Variants in UNC79 observed in about 807,000 individuals in gnomAD.
UNC79 encodes protein unc-79 homolog.
UNC79 carries 37 observed loss-of-function variants against 283.1 expected under a neutral mutation model. The ratio of observed to expected loss-of-function variants is 0.13; its 90% CI spans 0.10 to 0.17. UNC79 has a LOEUF of 0.17. UNC79 is among the 10% of genes least tolerant of loss of function. UNC79 has a pLI of 1.00. For missense variants in UNC79, 2,272 were observed against 3,211.1 expected (o/e 0.71, Z 7.07); for synonymous variants, 1,107 against 1,200.2 (o/e 0.92, Z 1.61).
intron 1 of UNC79, among the ~76,000 whole-genome samples, chr14:93,355,193 C>T (rs2054060639): frequency 6.6e-6 from 1 of 152,028 alleles, no homozygotes; most frequent in Non-Finnish European, 1.5e-5. Context: ...CCATGCCCGG[C>T]TAGTTTTTTT....
chr14:93,699,740 A>G (rs956029419), intron 47 of UNC79, among the ~76,000 whole-genome samples: 1 of 152,122 alleles, frequency 6.6e-6, no homozygotes, highest in Admixed American at 6.5e-5. Context: ...TACATTTTCT[A>G]TATATTTTAT....
At chr14:93,648,703 T>C (rs2069904949) in intron 35 of UNC79, among the ~76,000 whole-genome samples, 1 of 152,096 alleles carries the variant, frequency 6.6e-6, no homozygotes, top group African/African-American at 2.4e-5. Flanking sequence ...AGGGCTTCCC[T>C]TAAGAAGTGA....
At chr14:93,365,352 T>C (rs569502383) in intron 1 of UNC79, among the ~76,000 whole-genome samples, 2 of 130,456 alleles carry the variant, frequency 1.5e-5, no homozygotes, top group East Asian at 2.3e-4. Context: ...GCCACTGCAC[T>C]CCAGCCTGGG....
chr14:93,443,519 G>A (rs1052392707), intron 1 of UNC79, among the ~76,000 whole-genome samples: 1 of 151,510 alleles, frequency 6.6e-6, no homozygotes. Flanking sequence ...CGCCTCTTAG[G>A]TTCAAGCGAT....
intron 1 of UNC79, among the ~76,000 whole-genome samples, chr14:93,342,316 A>G (rs2053731097): frequency 6.6e-6 from 1 of 152,202 alleles, no homozygotes; most frequent in Non-Finnish European, 1.5e-5. Flanking sequence ...GTTCCCTCTG[A>G]AGCAATGACT....
chr14:93,454,372 G>A (rs984532604), intron 1 of UNC79, among the ~76,000 whole-genome samples: 10 of 152,052 alleles, frequency 6.6e-5, no homozygotes, highest in African/African-American at 2.4e-4. Context: ...ACAGGTGTTA[G>A]GTCTTACTAA....
At chr14:93,416,373 G>A (rs1469833404) in intron 1 of UNC79, among the ~76,000 whole-genome samples, 5 of 150,706 alleles carry the variant, frequency 3.3e-5, no homozygotes, top group South Asian at 4.2e-4. Context: ...TGATTGCACT[G>A]TGGTCTGAGA....
chr14:93,350,225 A>T (rs572073673), intron 1 of UNC79, among the ~76,000 whole-genome samples: 6 of 152,158 alleles, frequency 3.9e-5, no homozygotes, highest in Admixed American at 3.9e-4. Context: ...TAATTCTAAA[A>T]GTTGTGTTCT....
At chr14:93,607,319 G>A (rs575421657) in intron 26 of UNC79, among the ~76,000 whole-genome samples, 1 of 152,122 alleles carries the variant, frequency 6.6e-6, no homozygotes, top group South Asian at 2.1e-4. Context: ...ACAATAATAG[G>A]TATGTAATAA....
intron 22 of UNC79, among the ~76,000 whole-genome samples, chr14:93,590,059 T>TA (rs1328761306): frequency 1.3e-5 from 2 of 152,182 alleles, no homozygotes; most frequent in Non-Finnish European, 1.5e-5. Flanking sequence ...TATAGCTGCC[T>TA]CACTCCAATC....
intron 14 of UNC79, among the ~76,000 whole-genome samples, chr14:93,567,007 T>TA (rs1322037054): frequency 1.3e-5 from 2 of 152,212 alleles, no homozygotes; most frequent in Non-Finnish European, 2.9e-5. Context: ...ACTGCCTCCT[T>TA]ACATCCTTTG....
chr14:93,373,465 A>G (rs1486857288), intron 1 of UNC79, among the ~76,000 whole-genome samples: 1 of 152,218 alleles, frequency 6.6e-6, no homozygotes, highest in East Asian at 1.9e-4. Flanking sequence ...AGGGAACATC[A>G]CTACAGATCT....
chr14:93,500,126 A>G (rs561704081), intron 7 of UNC79, among the ~76,000 whole-genome samples: 11 of 152,130 alleles, frequency 7.2e-5, no homozygotes, highest in Non-Finnish European at 1.3e-4. Flanking sequence ...TGTTCAGAGC[A>G]TCTCAAAAAC....
At chr14:93,537,212 G>A (rs916618957) in intron 11 of UNC79, among the ~76,000 whole-genome samples, 1 of 152,222 alleles carries the variant, frequency 6.6e-6, no homozygotes, top group East Asian at 1.9e-4. Flanking sequence ...TGTGGGTGCT[G>A]CCTCACTCCT....
In UNC79 at chr14:93,637,198, C is replaced by T. The variant is rs762221724; in HGVS notation, c.5717-18C>T. On this transcript the variant is annotated intron_variant, in intron 31 of 48. Coordinates refer to ENST00000555664, the Ensembl canonical transcript of UNC79. Reference sequence around the variant, plus strand: ...AAGATGACCACATCAAAGACTGAAACCCTCTATTTATCCACAGAACAGATA... The same window carrying T: ...AAGATGACCACATCAAAGACTGAAATCCTCTATTTATCCACAGAACAGATA... 1 of 1,035,020 alleles carries T rather than the reference C, an allele frequency of 9.7e-7. No homozygotes were observed. The highest frequency in any genetic ancestry group is 1.6e-5 in the African/African-American group (1 of 63,690). 64.1% of individuals were successfully genotyped at this position (1,035,020 alleles called of 1,614,324 possible).
chr14:93,539,004 G>A (rs2061236331), intron 12 of UNC79, among the ~76,000 whole-genome samples: 1 of 151,404 alleles, frequency 6.6e-6, no homozygotes, highest in Non-Finnish European at 1.5e-5. Context: ...CTGGGTTCAA[G>A]CGATTCTCCT....
At chr14:93,355,387 C>T (rs112272757) in intron 1 of UNC79, among the ~76,000 whole-genome samples, 12,783 of 152,232 alleles carry the variant, frequency 0.084, 585 homozygotes, top group Middle Eastern at 0.14. Context: ...TTAATAGAGA[C>T]GGGGTTTCAC....
At chr14:93,427,657 ATT>A (rs368982819), upstream of UNC79, among the ~76,000 whole-genome samples, 84 of 146,472 alleles carry the variant, frequency 5.7e-4, no homozygotes, top group African/African-American at 2.0e-3. Context: ...TAAGAAGCAG[ATT>A]TTTTTTTTTG....
At chr14:93,550,533 A>AAAAAAAAAAAAAAAAAGAAAAG in intron 14 of UNC79, among the ~76,000 whole-genome samples, 1 of 122,574 alleles carries the variant, frequency 8.2e-6, no homozygotes, top group Non-Finnish European at 1.6e-5. Context: ...AAAAAAAAAA[A>AAAAAAAAAAAAAAAAAGAAAAG]AAAAAAAAGA....
Sources: allele counts gnomAD v4.1 joint callset (sites outside exome capture counted in the v4.1 genomes callset), GRCh38; gene constraint gnomAD v4.1.1; transcripts MANE v1.5; gene names NCBI Gene and HGNC (gene_info 2026-07-23, HGNC 2026-07-21).